The following SCARA3 variants were observed in gnomAD, a reference collection of about 807,000 sequenced individuals.
SCARA3 encodes cellular stress response gene protein.
A neutral mutation model predicts 47.0 loss-of-function variants in SCARA3; 39 were observed. The observed-to-expected ratio is 0.83, with a 90% CI of 0.64 to 1.08. The LOEUF is 1.08. Among genes scored for constraint, SCARA3 ranks in the 50% least tolerant of loss-of-function variants. The pLI is 0.00. For missense variants in SCARA3, 724 were observed against 792.3 expected (o/e 0.91, Z 1.04); for synonymous variants, 356 against 334.1 (o/e 1.07, Z -0.71).
chr8:27,644,239 C>A (rs1384803360), intron 1 of SCARA3, among the ~76,000 whole-genome samples: 2 of 152,192 alleles, frequency 1.3e-5, no homozygotes, highest in Non-Finnish European at 1.5e-5. Flanking sequence ...TTGGCCTTCC[C>A]AGGCTATTTA....
chr8:27,663,946 G>A (rs549216984), intron 5 of SCARA3, among the ~76,000 whole-genome samples: 2 of 152,308 alleles, frequency 1.3e-5, no homozygotes, highest in Admixed American at 6.5e-5. Context: ...TGATGAATAT[G>A]TTACCTCCAA....
intron 3 of SCARA3, among the ~76,000 whole-genome samples, chr8:27,655,151 G>T (rs1208004057): frequency 3.3e-5 from 5 of 152,190 alleles, no homozygotes; most frequent in Non-Finnish European, 7.3e-5. Context: ...TGAAAGCATA[G>T]AATTTTGGTG....
chr8:27,634,509 C>T (rs1453063374), intron 1 of SCARA3, among the ~76,000 whole-genome samples: 1 of 152,168 alleles, frequency 6.6e-6, no homozygotes, highest in Non-Finnish European at 1.5e-5. Flanking sequence ...TCCCTTTAAC[C>T]AGTAGACGCA....
chr8:27,681,560 T>TA (rs959454891), downstream of SCARA3, among the ~76,000 whole-genome samples: 18 of 148,894 alleles, frequency 1.2e-4, no homozygotes, highest in South Asian at 2.1e-4. Flanking sequence ...CTTCATCTCT[T>TA]AAAAAAAAAA....
the SCARA3 span, among the ~76,000 whole-genome samples, chr8:27,716,973 G>A: frequency 6.6e-6 from 1 of 152,206 alleles, no homozygotes; most frequent in East Asian, 1.9e-4. Flanking sequence ...GCATAATCTG[G>A]GTCTAATCGC....
At chr8:27,641,425 C>T (rs143418561) in intron 1 of SCARA3, among the ~76,000 whole-genome samples, 1 of 152,320 alleles carries the variant, frequency 6.6e-6, no homozygotes, top group East Asian at 1.9e-4. Flanking sequence ...GTGGGCTGAC[C>T]TGAGGAGGAA....
the SCARA3 span, among the ~76,000 whole-genome samples, chr8:27,731,110 T>C: frequency 6.7e-6 from 1 of 149,448 alleles, no homozygotes; most frequent in African/African-American, 2.5e-5. Context: ...TCTTTTTTTT[T>C]TTTTAAATAG....
chr8:27,714,340 G>T, the SCARA3 span, among the ~76,000 whole-genome samples: 1 of 151,786 alleles, frequency 6.6e-6, no homozygotes, highest in African/African-American at 2.4e-5. Flanking sequence ...GATTACAGGT[G>T]CCCGCCACCA....
At chr8:27,645,999 C>T (rs1281853127) in intron 1 of SCARA3, among the ~76,000 whole-genome samples, 1 of 152,190 alleles carries the variant, frequency 6.6e-6, no homozygotes, top group African/African-American at 2.4e-5. Flanking sequence ...CTCACAAATG[C>T]TTTGGATTAT....
At chr8:27,692,855 T>C in the SCARA3 span, among the ~76,000 whole-genome samples, 3 of 152,054 alleles carry the variant, frequency 2.0e-5, no homozygotes, top group African/African-American at 7.2e-5. Context: ...CCGGGTATGG[T>C]GGCTCATGCC....
At chr8:27,649,998 G>GT (rs1163312446) in intron 2 of SCARA3, among the ~76,000 whole-genome samples, 198 bp downstream of exon 2, 4 of 151,184 alleles carry the variant, frequency 2.6e-5, no homozygotes, top group South Asian at 2.1e-4. Flanking sequence ...GGAGTTTAAT[G>GT]TTTTTTTTTC....
At chr8:27,716,886 T>G in the SCARA3 span, among the ~76,000 whole-genome samples, 4 of 152,180 alleles carry the variant, frequency 2.6e-5, no homozygotes, top group Non-Finnish European at 5.9e-5. Context: ...ATGGAACAAA[T>G]CCACATCATG....
At chr8:27,680,299 G>A (rs544860926), downstream of SCARA3, among the ~76,000 whole-genome samples, 9 of 151,874 alleles carry the variant, frequency 5.9e-5, no homozygotes, top group South Asian at 1.9e-3. Flanking sequence ...TCTTTGAAAA[G>A]ATAAATAAAA....
At chr8:27,709,830 C>A in the SCARA3 span, among the ~76,000 whole-genome samples, 3 of 152,188 alleles carry the variant, frequency 2.0e-5, no homozygotes, top group Non-Finnish European at 4.4e-5. Context: ...CACTTCCTTT[C>A]CCTCCCTCCA....
intron 2 of SCARA3, among the ~76,000 whole-genome samples, chr8:27,650,192 G>C (rs1344400350): frequency 1.3e-5 from 2 of 152,024 alleles, no homozygotes; most frequent in Non-Finnish European, 2.9e-5. Context: ...CAAGAGTCTT[G>C]CTATGTTGCC....
chr8:27,658,220 A>T (rs1416057206), intron 4 of SCARA3, among the ~76,000 whole-genome samples: 1 of 152,216 alleles, frequency 6.6e-6, no homozygotes, highest in Admixed American at 6.5e-5. Context: ...CCACCTAAGA[A>T]AAATTATGAA....
At chr8:27,657,399 G>T (rs1018573437) in intron 4 of SCARA3, among the ~76,000 whole-genome samples, 3 of 149,400 alleles carry the variant, frequency 2.0e-5, no homozygotes, top group African/African-American at 7.4e-5. Flanking sequence ...AGGTTTGGGG[G>T]GGTAGAAATG....
chr8:27,698,314 G>A, the SCARA3 span, among the ~76,000 whole-genome samples: 1 of 152,260 alleles, frequency 6.6e-6, no homozygotes, highest in African/African-American at 2.4e-5. Context: ...ACTGACTATT[G>A]TAAGGGAAGA....
At chr8:27,722,029 C>T in the SCARA3 span, among the ~76,000 whole-genome samples, 1 of 152,164 alleles carries the variant, frequency 6.6e-6, no homozygotes, top group African/African-American at 2.4e-5. Flanking sequence ...GTCAAGGCTG[C>T]AGTAAGTTAA....
Sources: gnomAD v4.1 joint callset for allele counts (sites outside exome capture counted in the v4.1 genomes callset) on GRCh38, gnomAD v4.1.1 for gene constraint, MANE v1.5 for transcripts, NCBI Gene and HGNC (gene_info 2026-07-23, HGNC 2026-07-21) for gene names.